Variants in SYCP1 observed in about 807,000 individuals in gnomAD.
The protein encoded by SYCP1 is cancer/testis antigen 8.
In SYCP1, 64 loss-of-function variants were observed where a neutral mutation model predicts 153.1. That is an observed-to-expected ratio of 0.42 (90% confidence interval 0.34 to 0.51). SYCP1 has a LOEUF of 0.51. Among genes scored for constraint, SYCP1 ranks in the 20% least tolerant of loss-of-function variants. SYCP1 has a pLI of 0.06. For missense variants in SYCP1, 997 were observed against 1,049.0 expected (o/e 0.95, Z 0.68); for synonymous variants, 384 against 341.8 (o/e 1.12, Z -1.36).
chr1:114,899,262 C>T (rs930815152), intron 16 of SYCP1, among the ~76,000 whole-genome samples: 1 of 152,176 alleles, frequency 6.6e-6, no homozygotes, highest in African/African-American at 2.4e-5. Flanking sequence ...ATTTTGTTCA[C>T]AAGAGTATAC....
At chr1:114,887,109 C>T (rs360647) in intron 14 of SYCP1, among the ~76,000 whole-genome samples, 53,752 of 151,750 alleles carry the variant, frequency 0.35, 10,535 homozygotes, top group East Asian at 0.5. Flanking sequence ...GCCTTTCTAG[C>T]TCCCCTAATT....
chr1:114,979,063 A>G (rs1052833165), intron 28 of SYCP1, among the ~76,000 whole-genome samples: 3 of 151,556 alleles, frequency 2.0e-5, no homozygotes, highest in African/African-American at 7.3e-5. Context: ...GAGTCTAGAT[A>G]TATATGTTGG....
At chr1:114,966,760 C>T (rs1241461716) in intron 27 of SYCP1, among the ~76,000 whole-genome samples, 1 of 151,532 alleles carries the variant, frequency 6.6e-6, no homozygotes. Context: ...TCTTGACTCA[C>T]TGCAACCTCT....
chr1:114,906,308 T>A (rs1251828443), intron 16 of SYCP1, among the ~76,000 whole-genome samples: 1 of 152,054 alleles, frequency 6.6e-6, no homozygotes, highest in Non-Finnish European at 1.5e-5. Context: ...ATTTCATAGA[T>A]CTTTTCAAAT....
intron 12 of SYCP1, among the ~76,000 whole-genome samples, chr1:114,884,039 T>C (rs1330255260): frequency 1.3e-5 from 2 of 152,172 alleles, no homozygotes; most frequent in Non-Finnish European, 2.9e-5. Context: ...AATGACCCTT[T>C]CATTCTATGT....
intron 27 of SYCP1, among the ~76,000 whole-genome samples, chr1:114,964,078 AGAT>A (rs1570876453): frequency 6.6e-6 from 1 of 152,314 alleles, no homozygotes; most frequent in South Asian, 2.1e-4. Flanking sequence ...AACTCGTGTG[AGAT>A]GATATCTTCT....
chr1:114,929,615 A>T (rs1266285701), intron 23 of SYCP1, among the ~76,000 whole-genome samples: 1 of 152,074 alleles, frequency 6.6e-6, no homozygotes, highest in African/African-American at 2.4e-5. Flanking sequence ...ATTATTAAAG[A>T]TCAGTAGGGG....
chr1:114,991,557 A>G (rs1280687501), intron 30 of SYCP1, among the ~76,000 whole-genome samples: 1 of 151,864 alleles, frequency 6.6e-6, no homozygotes, highest in Non-Finnish European at 1.5e-5. Flanking sequence ...AAAAATAGCC[A>G]TATCATCATC....
chr1:114,878,580 A>G (rs1570683901), intron 12 of SYCP1, among the ~76,000 whole-genome samples: 1 of 152,150 alleles, frequency 6.6e-6, no homozygotes. Context: ...GTCTCACTGT[A>G]TCACCCAGGC....
At chr1:114,957,854 C>A (rs11800098) in intron 27 of SYCP1, among the ~76,000 whole-genome samples, 4,770 of 152,128 alleles carry the variant, frequency 0.031, 125 homozygotes, top group Non-Finnish European at 0.042. Context: ...ATTGGTACAG[C>A]CATTATGGAA....
At chr1:114,878,236 T>C (rs1424234041) in intron 12 of SYCP1, 34 bp downstream of exon 12, 1 of 1,272,026 alleles carries the variant, frequency 7.9e-7, no homozygotes, top group Non-Finnish European at 1.1e-6. Context: ...TAATGTGCCT[T>C]ATGTATTCCT....
intron 16 of SYCP1, among the ~76,000 whole-genome samples, chr1:114,896,902 A>T (rs1328351554): frequency 6.6e-6 from 1 of 152,160 alleles, no homozygotes; most frequent in East Asian, 1.9e-4. Context: ...TGAAAAGTGA[A>T]AAAAGGGAAA....
chr1:114,907,312 ATTG>A (rs1667875173), intron 16 of SYCP1, among the ~76,000 whole-genome samples: 1 of 152,176 alleles, frequency 6.6e-6, no homozygotes, highest in East Asian at 1.9e-4. Context: ...ATCTTTAAAA[ATTG>A]TTGTTTAAGT....
chr1:114,900,788 A>G lies in SYCP1; in HGVS notation c.1320+5279A>G, dbSNP rs562637878. On this transcript the variant is annotated intron_variant, in intron 16 of 31. Coordinates refer to ENST00000369522, the MANE Select transcript of SYCP1 (RefSeq NM_003176.4). ...CATAATTAAGGGTGTGGTTAGTTCC[A>G]TATGTCCCCATGCCTTACCAAGTTG... 3.3e-5 allele frequency among the ~76,000 whole-genome samples: 5 copies of G among 152,328 alleles called. No individual in the cohort carries two copies. In the South Asian group the frequency reaches 1.0e-3, roughly 32 times the overall value.
intron 27 of SYCP1, among the ~76,000 whole-genome samples, chr1:114,959,953 G>A (rs1671677855): frequency 6.6e-6 from 1 of 152,066 alleles, no homozygotes; most frequent in East Asian, 1.9e-4. Flanking sequence ...GTAGTTCAGG[G>A]TGTGTATGCA....
chr1:114,892,018 C>T (rs925805793), intron 15 of SYCP1, among the ~76,000 whole-genome samples: 26 of 152,140 alleles, frequency 1.7e-4, no homozygotes, highest in African/African-American at 5.1e-4. Flanking sequence ...TACAGGCAAG[C>T]GCATATGGGT....
At chr1:114,944,518 T>C in intron 24 of SYCP1, 63 bp downstream of exon 24, 1 of 1,009,130 alleles carries the variant, frequency 9.9e-7, no homozygotes, top group South Asian at 1.7e-5. Context: ...TATTAGGATT[T>C]TAAGAGGAAA....
intron 26 of SYCP1, among the ~76,000 whole-genome samples, 178 bp downstream of exon 26, chr1:114,946,559 A>G (rs1570831752): frequency 6.6e-6 from 1 of 152,290 alleles, no homozygotes; most frequent in East Asian, 1.9e-4. Context: ...TTTTTGAAAT[A>G]GTGGAACAAA....
chr1:114,928,927 C>T (rs1164460095), intron 23 of SYCP1, among the ~76,000 whole-genome samples: 2 of 152,074 alleles, frequency 1.3e-5, no homozygotes, highest in Non-Finnish European at 2.9e-5. Context: ...TCTTACAGTA[C>T]TGGAGACTGG....
Sources: allele counts gnomAD v4.1 joint callset (sites outside exome capture counted in the v4.1 genomes callset), GRCh38; gene constraint gnomAD v4.1.1; transcripts MANE v1.5; gene names NCBI Gene and HGNC (gene_info 2026-07-23, HGNC 2026-07-21).